The following NARS2 variants were observed in gnomAD, a reference collection of about 807,000 sequenced individuals.
The protein encoded by NARS2 is asparaginyl-tRNA synthetase.
In NARS2, 60 loss-of-function variants were observed where a neutral mutation model predicts 62.9. The ratio of observed to expected loss-of-function variants is 0.95; its 90% CI spans 0.77 to 1.18. NARS2 has a LOEUF of 1.18. NARS2 is among the 50% of genes most tolerant of loss of function. NARS2 has a pLI of 0.00. For missense variants in NARS2, 619 were observed against 576.4 expected (o/e 1.07, Z -0.76); for synonymous variants, 196 against 200.0 (o/e 0.98, Z 0.17).
chr11:78,522,119 ATTTTTTTTT>A (rs59159824), intron 6 of NARS2, among the ~76,000 whole-genome samples: 1 of 134,960 alleles, frequency 7.4e-6, no homozygotes, highest in Admixed American at 7.5e-5. Context: ...CATCCAGCTA[ATTTTTTTTT>A]TTTTTTTTTT....
At chr11:78,567,481 CA>C (rs767288022) in intron 3 of NARS2, among the ~76,000 whole-genome samples, 3 of 152,092 alleles carry the variant, frequency 2.0e-5, no homozygotes, top group Non-Finnish European at 4.4e-5. Flanking sequence ...CCGTGAAAAG[CA>C]AAACCACAGA....
rs781465772 is a variant in NARS2, at chr11:78,441,114, C to T, written c.1266G>A (p.Ser422=). ...YHFLEERLAR[S]GLTEVYQWYL... is the part of the protein sequence containing the mutation. ...ACCATTGGTAGACTTCTGTAAGTCCCGATCTGTTTAAAGGAAAATAAAATT... is the reference window on the plus strand; with the variant it reads ...ACCATTGGTAGACTTCTGTAAGTCCTGATCTGTTTAAAGGAAAATAAAATT... The change falls in exon 13 of 14, where the codon TCG becomes TCA. Residue 422 remains serine, a synonymous_variant. Coordinates refer to ENST00000281038, the MANE Select transcript of NARS2 (RefSeq NM_024678.6). 1.7e-5 allele frequency: 27 copies of T among 1,611,350 alleles called. 1 individual carries two copies. Among genetic ancestry groups the T allele is most frequent in the Admixed American group, 6.7e-5 (4 of 59,716 alleles).
chr11:78,499,517 T>A (rs1860203475), intron 6 of NARS2, among the ~76,000 whole-genome samples: 1 of 152,146 alleles, frequency 6.6e-6, no homozygotes, highest in Admixed American at 6.5e-5. Context: ...AAACAAAAAA[T>A]AATTCTGTTC....
At chr11:78,555,939 C>T (rs1406725939) in intron 5 of NARS2, among the ~76,000 whole-genome samples, 1 of 151,892 alleles carries the variant, frequency 6.6e-6, no homozygotes, top group Non-Finnish European at 1.5e-5. Context: ...CATTATTTAC[C>T]CAAAGGTTAT....
intron 5 of NARS2, among the ~76,000 whole-genome samples, chr11:78,549,728 G>GT (rs1054132183): frequency 6.3e-4 from 96 of 152,254 alleles, no homozygotes; most frequent in African/African-American, 2.3e-3. Flanking sequence ...AGCTTAAGAG[G>GT]TGGGTGTGGT....
intron 6 of NARS2, among the ~76,000 whole-genome samples, chr11:78,505,477 T>C (rs1442680014): frequency 1.3e-5 from 2 of 151,620 alleles, no homozygotes; most frequent in South Asian, 2.1e-4. Flanking sequence ...AACTGATTTT[T>C]CCCCCCAACT....
intron 1 of NARS2, among the ~76,000 whole-genome samples, chr11:78,571,864 C>G (rs1856936559): frequency 6.6e-6 from 1 of 152,134 alleles, no homozygotes; most frequent in African/African-American, 2.4e-5. Flanking sequence ...CACTGCGCTG[C>G]CCAGAAGGCA....
At chr11:78,528,981 G>T in intron 5 of NARS2, 45 bp from the exon 6 acceptor site, 1 of 1,286,792 alleles carries the variant, frequency 7.8e-7, no homozygotes. Context: ...TAAATGTTTT[G>T]CTTTGCATTT....
chr11:78,441,151 C>A (rs201102102), intron 12 of NARS2, 34 bp from the exon 13 acceptor site: 3 of 1,593,738 alleles, frequency 1.9e-6, no homozygotes, highest in East Asian at 2.2e-5. Flanking sequence ...TTTCAGGGAA[C>A]GGCAATAAGA....
chr11:78,560,883 G>A (rs951270599), intron 4 of NARS2, among the ~76,000 whole-genome samples: 8 of 152,136 alleles, frequency 5.3e-5, no homozygotes, highest in Admixed American at 1.3e-4. Context: ...CAAGAATCAT[G>A]GACATGAAAC....
rs754978685 is a variant in NARS2 at position 78,447,258 on chromosome 11, G to A, written c.1165-3500C>T. 3.3e-5 allele frequency among the ~76,000 whole-genome samples: 5 copies of A among 151,654 alleles called. No homozygotes were observed. The East Asian group carries it at 5.8e-4, about 18-fold the overall frequency. ...TGGACTTGAACTCCTGGGTTCAAGC[G>A]ATCTCCTGCCTCAGCCTCCTAAGTA... On this transcript the variant is annotated intron_variant, in intron 11 of 13. Transcript: ENST00000281038.
chr11:78,547,641 C>G (rs554016723), intron 5 of NARS2, among the ~76,000 whole-genome samples: 55 of 151,952 alleles, frequency 3.6e-4, no homozygotes, highest in African/African-American at 1.2e-3. Flanking sequence ...AGTTTGAGAT[C>G]AGCCAAAATG....
Position 78,566,250 on chromosome 11 carries a change from T to C in NARS2, c.395A>G (p.Glu132Gly). The change falls in exon 4 of 14, where the codon GAG becomes GGG. Residue 132 changes from glutamate to glycine, a missense_variant. Physicochemically the swap from Glu to Gly is moderately conservative, Grantham distance 98. Transcript: ENST00000281038. Reference protein sequence around the residue: ...DAKDFPIKYKERHPLEYLRQY... With the variant: ...DAKDFPIKYKGRHPLEYLRQY... The stretch of plus-strand genomic sequence containing the variant: ...TCGCAGATACTCCAGAGGATGCCTC[T>C]CTTTATATTTGATGGGGAAATCCTG... 1 of 1,594,836 alleles carries C rather than the reference T, an allele frequency of 6.3e-7. No individual in the cohort carries two copies. Among genetic ancestry groups the C allele is most frequent in the Non-Finnish European group, 8.5e-7 (1 of 1,170,334 alleles).
intron 7 of NARS2, among the ~76,000 whole-genome samples, chr11:78,487,752 A>G (rs886586343): frequency 1.1e-4 from 16 of 152,242 alleles, no homozygotes; most frequent in African/African-American, 3.9e-4. Context: ...GACTGGATTT[A>G]TTCTCAAACA....
chr11:78,447,489 T>C (rs1857804387), intron 11 of NARS2, among the ~76,000 whole-genome samples: 1 of 152,174 alleles, frequency 6.6e-6, no homozygotes. Context: ...GCAATCCCAC[T>C]TCTGGGTATA....
intron 11 of NARS2, 103 bp from the exon 12 acceptor site, chr11:78,443,861 C>G (rs1410858685): frequency 9.5e-6 from 7 of 735,822 alleles, no homozygotes; most frequent in Admixed American, 2.3e-5. Context: ...GGCTAATTAA[C>G]TACCTACCAG....
At chr11:78,459,468 C>G (rs1182983255) in intron 11 of NARS2, among the ~76,000 whole-genome samples, 2 of 151,336 alleles carry the variant, frequency 1.3e-5, no homozygotes, top group African/African-American at 4.9e-5. Context: ...CGGGGTTTCT[C>G]CATGTTGGTC....
intron 7 of NARS2, among the ~76,000 whole-genome samples, chr11:78,480,175 T>C (rs1488148828): frequency 6.6e-6 from 1 of 152,178 alleles, no homozygotes; most frequent in Non-Finnish European, 1.5e-5. Flanking sequence ...ACGAGGATTA[T>C]AGGCATGAGC....
intron 11 of NARS2, among the ~76,000 whole-genome samples, chr11:78,463,564 T>C (rs1858478349): frequency 6.6e-6 from 1 of 151,942 alleles, no homozygotes. Flanking sequence ...CACACGCCTA[T>C]AATCCCAGCT....
Sources: gnomAD v4.1 joint callset for allele counts (sites outside exome capture counted in the v4.1 genomes callset) on GRCh38, gnomAD v4.1.1 for gene constraint, MANE v1.5 for transcripts, NCBI Gene and HGNC (gene_info 2026-07-23, HGNC 2026-07-21) for gene names.